Variants in CLDN15 observed in about 807,000 individuals in gnomAD.
CLDN15 encodes the protein claudin-15.
Under a neutral mutation model 24.5 loss-of-function variants are expected in CLDN15, and 9 were observed. That is an observed-to-expected ratio of 0.37 (90% confidence interval 0.22 to 0.64). The LOEUF (loss-of-function observed/expected upper bound fraction) is 0.64. CLDN15 is among the 30% of genes least tolerant of loss of function. The probability of loss-of-function intolerance (pLI) is 0.63; values close to 1 mark genes in which losing one functional copy is unlikely to be tolerated. For synonymous variants in CLDN15, 149 were observed against 131.4 expected (o/e 1.13, Z -0.92); for missense variants, 248 against 305.9 (o/e 0.81, Z 1.41).
chr7:101,234,520 A>G (rs1308508633), intron 1 of CLDN15, 78 bp from the exon 2 acceptor site: 6 of 1,018,806 alleles, frequency 5.9e-6, no homozygotes, highest in Admixed American at 5.7e-5. Context: ...TCACCATCCC[A>G]GGTTCAAGTG....
Position 101,237,595 on chromosome 7 carries a change from AC to A in CLDN15, c.-15del, listed in dbSNP as rs753430547. ...AGCCATCGACATGGTGGGATGCAGG[AC>A]CCTGGGGGGCTGGTGCCCCAGAGAG... On this transcript the variant is annotated 5_prime_UTR_variant, in exon 1 of 5. Transcript: ENST00000308344. The surrounding 1 kb of genome is among the most constrained non-coding windows in gnomAD (Gnocchi z 4.0). 1 of 1,603,536 alleles carries A rather than the reference AC, an allele frequency of 6.2e-7. No individual in the cohort carries two copies. The highest frequency in any genetic ancestry group is 8.5e-7 in the Non-Finnish European group (1 of 1,170,794).
At position 101,234,427 on chromosome 7, in the gene CLDN15, C is replaced by T; in HGVS notation, c.233G>A (p.Cys78Tyr). Residue 78 changes from cysteine (C) to tyrosine (Y), a missense_variant, in exon 2 of 5, where the codon TGC (cysteine) becomes TAC (tyrosine). Cys to Tyr is a radical substitution (Grantham distance 194). Transcript: ENST00000308344. ...GATGGCGGTGATCATGAGTGCCCGG[C>T]AGGCCTGAATATACCCTGGGGGTGG... Reference protein sequence around the residue: ...MLALSGYIQACRALMITAILL... With the variant: ...MLALSGYIQAYRALMITAILL... 6.2e-7 allele frequency: 1 copy of T among 1,612,828 alleles called. No individual in the cohort carries two copies. Among genetic ancestry groups the T allele is most frequent in the Non-Finnish European group, 8.5e-7 (1 of 1,179,196 alleles).
At chr7:101,233,371 G>A (rs1345978899) in intron 2 of CLDN15, among the ~76,000 whole-genome samples, 1 of 152,090 alleles carries the variant, frequency 6.6e-6, no homozygotes, top group African/African-American at 2.4e-5. Flanking sequence ...CCTACTCACT[G>A]GGGGCTTGTC....
upstream of CLDN15, chr7:101,238,588 G>A (rs1192779016): frequency 6.6e-6 from 1 of 152,244 alleles, no homozygotes; most frequent in Non-Finnish European, 1.5e-5. Flanking sequence ...TGTCCTGGAT[G>A]TGAGTGTCAC....
At chr7:101,234,945 A>T (rs565941384) in intron 1 of CLDN15, among the ~76,000 whole-genome samples, 192 of 151,958 alleles carry the variant, frequency 1.3e-3, no homozygotes, top group Non-Finnish European at 2.2e-3. Flanking sequence ...GGGCAACTCT[A>T]TTCTGGGGGC....
chr7:101,236,597 C>T (rs1798630476), intron 1 of CLDN15: 1 of 505,316 alleles, frequency 2.0e-6, no homozygotes, highest in Non-Finnish European at 3.2e-6. Context: ...GGAGACTGCC[C>T]CGGAGAAACA....
At chr7:101,238,304 C>G (rs899490778), upstream of CLDN15, 2 of 153,290 alleles carry the variant, frequency 1.3e-5, no homozygotes, top group African/African-American at 4.8e-5. Flanking sequence ...CCCCACCATC[C>G]ATTCACCAGG....
Position 101,237,294 on chromosome 7 carries a change from A to T in CLDN15, c.217+71T>A. On this transcript the variant is annotated intron_variant, in intron 1 of 4. Transcript: ENST00000308344. This position sits in a 1 kb window ranked among gnomAD's most constrained non-coding sequence, Gnocchi z 4.0. ...GGGCTCCCTGCATCCTCACGGAAGT[A>T]CCCGCCCTCCCCTGGGGTCTCTGCA... 1 of 1,007,514 alleles carries T rather than the reference A, an allele frequency of 9.9e-7. No individual in the cohort carries two copies. Among genetic ancestry groups the T allele is most frequent in the Non-Finnish European group, 1.5e-6 (1 of 651,986 alleles). 62.4% of individuals were successfully genotyped at this position (1,007,514 alleles called of 1,614,324 possible). A position where few individuals can be genotyped will look rare whatever the true frequency, so the allele number is the denominator to read the frequency against.
At position 101,237,348 on chromosome 7, in the gene CLDN15, C is replaced by T. The variant is rs532548480; in HGVS notation, c.217+17G>A. ...TCCCCGCCGCCCTCTCTCCCTGGAGCGCTCCCCACCCCATACCAGAGAGGG... is the reference window on the plus strand; with the variant it reads ...TCCCCGCCGCCCTCTCTCCCTGGAGTGCTCCCCACCCCATACCAGAGAGGG... On this transcript the variant is annotated intron_variant, in intron 1 of 4. Transcript: ENST00000308344. The surrounding 1 kb of genome is among the most constrained non-coding windows in gnomAD (Gnocchi z 4.0). 240 of 1,543,314 alleles carry T rather than the reference C, an allele frequency of 1.6e-4. 1 individual carries two copies. In the East Asian group the frequency reaches 5.3e-3, roughly 34 times the overall value.
At chr7:101,235,347 T>C (rs1001533008) in intron 1 of CLDN15, among the ~76,000 whole-genome samples, 4 of 152,154 alleles carry the variant, frequency 2.6e-5, no homozygotes, top group African/African-American at 7.2e-5. Flanking sequence ...GTAGCCTTGA[T>C]TGAACTCCTG....
intron 2 of CLDN15, among the ~76,000 whole-genome samples, 169 bp from the exon 3 acceptor site, chr7:101,233,083 C>T (rs913522728): frequency 5.3e-5 from 8 of 152,088 alleles, no homozygotes; most frequent in Non-Finnish European, 8.8e-5. Context: ...AAGCCTTCCT[C>T]CTTCCTGGGG....
chr7:101,235,175 C>T (rs1798598861), intron 1 of CLDN15, among the ~76,000 whole-genome samples: 1 of 152,234 alleles, frequency 6.6e-6, no homozygotes, highest in African/African-American at 2.4e-5. Context: ...AAGTCCTTCA[C>T]TGTCCTAGCC....
intron 2 of CLDN15, chr7:101,234,065 C>T: frequency 1.4e-6 from 1 of 702,640 alleles, no homozygotes; most frequent in South Asian, 1.5e-5. Flanking sequence ...TGGCCAGCCC[C>T]TACTGGGAGC....
Position 101,237,643 on chromosome 7 carries a change from G to C in CLDN15, c.-62C>G. On this transcript the variant is annotated 5_prime_UTR_variant, in exon 1 of 5. Transcript: ENST00000308344. The surrounding 1 kb of genome is among the most constrained non-coding windows in gnomAD (Gnocchi z 4.0). ...AGAGGGGGAGGGGCAGAACCCCTAG[G>C]GAACTGGAAGGGGCTGCGGCTAAGG... 8.3e-7 allele frequency: 1 copy of C among 1,208,172 alleles called. No homozygotes were observed. The highest frequency in any genetic ancestry group is 1.2e-5 in the South Asian group (1 of 80,514). The allele number at this position is 1,208,172 out of a possible 1,614,324, so 74.8% of individuals were successfully genotyped here. A position where few individuals can be genotyped will look rare whatever the true frequency, so the allele number is the denominator to read the frequency against.
chr7:101,237,854 A>C, upstream of CLDN15: 1 of 465,774 alleles, frequency 2.1e-6, no homozygotes, highest in Non-Finnish European at 4.0e-6. This position sits in a 1 kb window ranked among gnomAD's most constrained non-coding sequence, Gnocchi z 4.0. Flanking sequence ...AATAACCGAA[A>C]CGGGCCAAAA....
At position 101,237,621 on chromosome 7, in the gene CLDN15, G is replaced by T. The variant is rs745532582; in HGVS notation, c.-40C>A. The T allele has an allele frequency of 2.0e-6, 3 of 1,481,760 alleles. No individual in the cohort carries two copies. Among genetic ancestry groups the T allele is most frequent in the East Asian group, 2.3e-5 (1 of 44,064 alleles). The allele number at this position is 1,481,760 out of a possible 1,614,324, so 91.8% of individuals were successfully genotyped here. On this transcript the variant is annotated 5_prime_UTR_variant, in exon 1 of 5. Coordinates refer to ENST00000308344, the MANE Select transcript of CLDN15 (RefSeq NM_014343.3). The surrounding 1 kb of genome is among the most constrained non-coding windows in gnomAD (Gnocchi z 4.0). ...CCCTGGGGGGCTGGTGCCCCAGAGA[G>T]GGGGAGGGGCAGAACCCCTAGGGAA...
chr7:101,236,227 C>T (rs1798618493), intron 1 of CLDN15, among the ~76,000 whole-genome samples: 1 of 152,056 alleles, frequency 6.6e-6, no homozygotes, highest in South Asian at 2.1e-4. Flanking sequence ...GGGTTCTGGC[C>T]CAAGTTGTAC....
intron 3 of CLDN15, 35 bp from the exon 4 acceptor site, chr7:101,232,755 G>T: frequency 6.3e-7 from 1 of 1,584,192 alleles, no homozygotes; most frequent in Non-Finnish European, 8.6e-7. Context: ...CGGGGGACAA[G>T]TGAGACGCCA....
rs773604464 is a variant in CLDN15, at chr7:101,232,428, G to T, written c.669C>A (p.Gly223=). Residue 223 remains glycine (G), a synonymous_variant, in exon 5 of 5, where the codon GGC becomes GGA. Transcript: ENST00000308344. ...QEGDSSFGKY[G]RNAYV is the part of the protein sequence containing the mutation. The stretch of plus-strand genomic sequence containing the variant: ...AGAGCTGCTACACGTAGGCGTTTCT[G>T]CCGTATTTGCCAAAGCTGCTGTCGC... 6.2e-7 allele frequency: 1 copy of T among 1,612,626 alleles called. No homozygotes were observed. The highest frequency in any genetic ancestry group is 1.1e-5 in the South Asian group (1 of 91,048).
Sources: gnomAD v4.1 joint callset for allele counts (sites outside exome capture counted in the v4.1 genomes callset) on GRCh38, gnomAD v4.1.1 for gene constraint, Gnocchi (gnomAD v3.1) non-coding constraint, MANE v1.5 for transcripts, NCBI Gene and HGNC (gene_info 2026-07-23, HGNC 2026-07-21) for gene names.